ST6GALNAC3: variants seen among roughly 807,000 people sequenced by gnomAD.
The protein encoded by ST6GALNAC3 is ST6 N-acetylgalactosaminide alpha-2,6-sialyltransferase 3.
A neutral mutation model predicts 32.7 loss-of-function variants in ST6GALNAC3; 25 were observed. That is an observed-to-expected ratio of 0.76 (90% CI 0.56 to 1.07). The LOEUF (loss-of-function observed/expected upper bound fraction) is 1.07. Among genes scored for constraint, ST6GALNAC3 ranks in the 50% least tolerant of loss-of-function variants. ST6GALNAC3 has a pLI of 0.00. For missense variants in ST6GALNAC3, 355 were observed against 382.4 expected, an observed-to-expected ratio of 0.93 and a Z score of 0.60; for synonymous variants, 129 against 133.1, an observed-to-expected ratio of 0.97 and a Z score of 0.21.
chr1:76,546,364 A>G (rs538026115), intron 3 of ST6GALNAC3, among the ~76,000 whole-genome samples: 34 of 152,176 alleles, frequency 2.2e-4, no homozygotes, highest in Non-Finnish European at 4.4e-4. Flanking sequence ...AAGAAGGATA[A>G]AGAAGATGAA....
intron 1 of ST6GALNAC3, chr1:76,309,897 G>C (rs1646724287): frequency 2.2e-6 from 1 of 455,684 alleles, no homozygotes; most frequent in Non-Finnish European, 4.4e-6. Flanking sequence ...TGGGTTGCCA[G>C]GGAGCAGGCT....
intron 2 of ST6GALNAC3, among the ~76,000 whole-genome samples, chr1:76,362,031 AAG>A (rs1649999621): frequency 1.3e-5 from 2 of 151,776 alleles, no homozygotes; most frequent in Admixed American, 1.3e-4. Context: ...GTAATTTATA[AAG>A]AAAAGAGGTT....
intron 3 of ST6GALNAC3, among the ~76,000 whole-genome samples, chr1:76,489,432 C>T (rs1457524749): frequency 1.3e-5 from 2 of 151,080 alleles, no homozygotes; most frequent in African/African-American, 4.9e-5. Flanking sequence ...TAGGAGAGTT[C>T]TCTCTCTCTC....
intron 3 of ST6GALNAC3, among the ~76,000 whole-genome samples, chr1:76,456,075 G>A (rs1461184464): frequency 6.6e-6 from 1 of 152,140 alleles, no homozygotes; most frequent in Non-Finnish European, 1.5e-5. Context: ...CAGAGGCTGA[G>A]GCAGGAGAAT....
At chr1:76,127,910 C>G (rs909847273) in intron 1 of ST6GALNAC3, among the ~76,000 whole-genome samples, 5 of 152,116 alleles carry the variant, frequency 3.3e-5, no homozygotes, top group Non-Finnish European at 7.4e-5. Context: ...ACCTTTAAGG[C>G]CCTGCATGAC....
At chr1:76,219,348 C>A (rs1655642132) in intron 1 of ST6GALNAC3, among the ~76,000 whole-genome samples, 1 of 152,174 alleles carries the variant, frequency 6.6e-6, no homozygotes, top group Admixed American at 6.5e-5. Context: ...TTTTCATCAA[C>A]CTAGAAAACC....
In ST6GALNAC3 at chr1:76,519,624, C is replaced by T. The variant is rs576202670; in HGVS notation, c.623+107207C>T. 3.3e-3 allele frequency among the ~76,000 whole-genome samples: 507 copies of T among 152,216 alleles called. 5 individuals carry two copies. Among genetic ancestry groups the T allele is most frequent in the African/African-American group, 0.012 (482 of 41,536 alleles). ...AGATACGTATAGTTGGTTCATTAAT[C>T]TTTGTGGATATGCAGTATGGGCATT... On this transcript the variant is annotated intron_variant, in intron 3 of 4. Transcript: ENST00000328299.
At chr1:76,227,877 T>C (rs1355153959) in intron 1 of ST6GALNAC3, among the ~76,000 whole-genome samples, 1 of 152,200 alleles carries the variant, frequency 6.6e-6, no homozygotes, top group Admixed American at 6.5e-5. Flanking sequence ...TGTGACTGTA[T>C]GGAAAGCTTG....
At chr1:76,261,621 C>T (rs1658242118) in intron 1 of ST6GALNAC3, among the ~76,000 whole-genome samples, 1 of 152,174 alleles carries the variant, frequency 6.6e-6, no homozygotes, top group South Asian at 2.1e-4. Flanking sequence ...CAAAGAATGA[C>T]CATGAGGACA....
intron 4 of ST6GALNAC3, among the ~76,000 whole-genome samples, chr1:76,628,211 C>T (rs1649096621): frequency 6.6e-6 from 1 of 151,912 alleles, no homozygotes; most frequent in South Asian, 2.1e-4. Flanking sequence ...AAAATGGTAA[C>T]TCTCAGCCAC....
intron 3 of ST6GALNAC3, among the ~76,000 whole-genome samples, chr1:76,472,922 C>A (rs989289489): frequency 3.3e-5 from 5 of 151,704 alleles, no homozygotes; most frequent in African/African-American, 1.2e-4. Context: ...TGACAGATTA[C>A]AAATGGGGGA....
chr1:76,215,024 G>T (rs547804933), intron 1 of ST6GALNAC3, among the ~76,000 whole-genome samples: 1 of 152,164 alleles, frequency 6.6e-6, no homozygotes, highest in African/African-American at 2.4e-5. Context: ...TTAAAAGCTA[G>T]CATGAACATA....
intron 3 of ST6GALNAC3, among the ~76,000 whole-genome samples, chr1:76,420,761 G>A (rs1050218954): frequency 6.6e-6 from 1 of 151,970 alleles, no homozygotes; most frequent in Non-Finnish European, 1.5e-5. Context: ...TTTTGGCAGA[G>A]ATAGTTCCCT....
At chr1:76,190,783 G>T (rs1653847139) in intron 1 of ST6GALNAC3, among the ~76,000 whole-genome samples, 1 of 152,140 alleles carries the variant, frequency 6.6e-6, no homozygotes, top group African/African-American at 2.4e-5. Context: ...TGTTCTTACG[G>T]ACATCTAAAA....
At chr1:76,278,780 G>A (rs1256003034) in intron 1 of ST6GALNAC3, among the ~76,000 whole-genome samples, 1 of 152,138 alleles carries the variant, frequency 6.6e-6, no homozygotes, top group Non-Finnish European at 1.5e-5. Flanking sequence ...TTCATGACAA[G>A]GGAAACCAAG....
chr1:76,238,266 A>G (rs1391535799), intron 1 of ST6GALNAC3, among the ~76,000 whole-genome samples: 1 of 152,202 alleles, frequency 6.6e-6, no homozygotes, highest in Non-Finnish European at 1.5e-5. Flanking sequence ...AAGCAAAGCT[A>G]TTACAGAAAT....
intron 3 of ST6GALNAC3, among the ~76,000 whole-genome samples, chr1:76,580,101 T>C: frequency 6.6e-6 from 1 of 152,118 alleles, no homozygotes; most frequent in Non-Finnish European, 1.5e-5. Flanking sequence ...GTTTTCAAAA[T>C]TATCATTAGT....
intron 3 of ST6GALNAC3, among the ~76,000 whole-genome samples, chr1:76,609,907 G>A (rs1300304842): frequency 6.6e-6 from 1 of 152,126 alleles, no homozygotes; most frequent in Non-Finnish European, 1.5e-5. Flanking sequence ...GAATAGAAAC[G>A]CCTTGGCCAT....
At chr1:76,535,633 G>C (rs1570151532) in intron 3 of ST6GALNAC3, among the ~76,000 whole-genome samples, 3 of 152,128 alleles carry the variant, frequency 2.0e-5, no homozygotes, top group Admixed American at 2.0e-4. Flanking sequence ...AAACAGAATA[G>C]AGCTGTGAAT....
Sources: gnomAD v4.1 joint callset for allele counts (sites outside exome capture counted in the v4.1 genomes callset) on GRCh38, gnomAD v4.1.1 for gene constraint, MANE v1.5 for transcripts, NCBI Gene and HGNC (gene_info 2026-07-23, HGNC 2026-07-21) for gene names.